NRIP3: variants seen among roughly 807,000 people sequenced by gnomAD.
The protein encoded by NRIP3 is nuclear receptor-interacting protein 3.
A neutral mutation model predicts 29.0 loss-of-function variants in NRIP3; 31 were observed. The ratio of observed to expected loss-of-function variants is 1.07; its 90% CI spans 0.80 to 1.44. The LOEUF is 1.44. Among genes scored for constraint, NRIP3 ranks in the 40% most tolerant of loss-of-function variants. The pLI is 0.00. For missense variants in NRIP3, 314 were observed against 297.9 expected (o/e 1.05, Z -0.40); for synonymous variants, 131 against 118.3 (o/e 1.11, Z -0.70).
intron 1 of NRIP3, among the ~76,000 whole-genome samples, chr11:8,994,050 T>C (rs563625854): frequency 1.3e-5 from 2 of 152,262 alleles, no homozygotes; most frequent in East Asian, 3.9e-4. Flanking sequence ...AATGGAGATT[T>C]ATTTTTCTCA....
intron 1 of NRIP3, among the ~76,000 whole-genome samples, chr11:9,002,574 T>C (rs1854825322): frequency 7.5e-6 from 1 of 134,022 alleles, no homozygotes; most frequent in African/African-American, 2.8e-5. Context: ...AATGTACCTG[T>C]GTATCATTAG....
In NRIP3 at chr11:8,992,671, G is replaced by A. The variant is rs374215509; in HGVS notation, c.175-4389C>T. 1.1e-4 allele frequency among the ~76,000 whole-genome samples: 16 copies of A among 152,292 alleles called. No homozygotes were observed. In the East Asian group the frequency reaches 2.9e-3, roughly 28 times the overall value. ...CACGTCTGTAATCCCAGCACTTTGGGAGGCTGAGGTGGGCGGATCACGAGA... is the reference window on the plus strand; with the variant it reads ...CACGTCTGTAATCCCAGCACTTTGGAAGGCTGAGGTGGGCGGATCACGAGA... On this transcript the variant is annotated intron_variant, in intron 1 of 6. Transcript: ENST00000309166.
At chr11:8,992,606 G>C (rs2134919247) in intron 1 of NRIP3, among the ~76,000 whole-genome samples, 1 of 152,250 alleles carries the variant, frequency 6.6e-6, no homozygotes, top group African/African-American at 2.4e-5. Flanking sequence ...AAAGACAATA[G>C]AATAATGCCT....
chr11:9,001,782 T>A (rs1854804339), intron 1 of NRIP3, among the ~76,000 whole-genome samples: 1 of 144,554 alleles, frequency 6.9e-6, no homozygotes, highest in Non-Finnish European at 1.5e-5. Context: ...CCTACCTCGG[T>A]CTGCCTTGGT....
intron 1 of NRIP3, among the ~76,000 whole-genome samples, chr11:8,991,583 G>GA (rs927822212): frequency 7.3e-5 from 11 of 151,716 alleles, no homozygotes; most frequent in Non-Finnish European, 1.0e-4. Flanking sequence ...CAATAAAGAA[G>GA]AAAAAAAAGA....
intron 1 of NRIP3, among the ~76,000 whole-genome samples, chr11:8,995,102 G>A (rs1411239559): frequency 2.6e-5 from 4 of 151,118 alleles, no homozygotes; most frequent in African/African-American, 7.3e-5. Flanking sequence ...CTTCATTTAC[G>A]TTACTGCTAA....
At chr11:9,004,050 G>T (rs1432504957), upstream of NRIP3, 2 of 1,100,522 alleles carry the variant, frequency 1.8e-6, no homozygotes, top group African/African-American at 1.7e-5. Flanking sequence ...GTGACGTCGC[G>T]GGGAGCAGCC....
intron 6 of NRIP3, 103 bp from the exon 7 acceptor site, chr11:8,983,663 A>T (rs1463490127): frequency 4.6e-6 from 5 of 1,089,828 alleles, no homozygotes; most frequent in Non-Finnish European, 6.9e-6. Context: ...TTTCCCTACC[A>T]CTCTGTGTGG....
intron 3 of NRIP3, among the ~76,000 whole-genome samples, chr11:8,987,233 T>C (rs1433522572): frequency 6.6e-6 from 1 of 152,178 alleles, no homozygotes; most frequent in Non-Finnish European, 1.5e-5. Flanking sequence ...ATTTGCTATC[T>C]AGTGGATCAG....
chr11:8,989,665 G>C (rs1268995580), intron 1 of NRIP3, among the ~76,000 whole-genome samples: 1 of 152,190 alleles, frequency 6.6e-6, no homozygotes, highest in African/African-American at 2.4e-5. Flanking sequence ...GAAAATGAGA[G>C]CTTCTTAGCT....
At chr11:8,991,128 C>A (rs1455303316) in intron 1 of NRIP3, among the ~76,000 whole-genome samples, 1 of 152,014 alleles carries the variant, frequency 6.6e-6, no homozygotes, top group Non-Finnish European at 1.5e-5. Context: ...AGTGAAACCC[C>A]GTCTCTACTA....
chr11:8,999,474 A>G (rs927614710), intron 1 of NRIP3, among the ~76,000 whole-genome samples: 4 of 152,192 alleles, frequency 2.6e-5, no homozygotes, highest in Non-Finnish European at 5.9e-5. Context: ...AGTCGTATGT[A>G]TCATATCACC....
At chr11:9,001,113 T>C (rs1854787034) in intron 1 of NRIP3, among the ~76,000 whole-genome samples, 1 of 152,164 alleles carries the variant, frequency 6.6e-6, no homozygotes, top group Admixed American at 6.5e-5. Context: ...ATCTCTGGTT[T>C]TAGTTCTTAA....
At chr11:8,989,694 A>G (rs1048682046) in intron 1 of NRIP3, among the ~76,000 whole-genome samples, 16 of 152,250 alleles carry the variant, frequency 1.1e-4, no homozygotes, top group African/African-American at 3.6e-4. Flanking sequence ...AGCTAGAGGA[A>G]GTGCTAACTC....
rs1205939550 is a variant in NRIP3, at chr11:9,003,008, C to G, written c.174+754G>C. ...CAGTACCATCTTTGACCCCAGGCCC[C>G]CTGTCCTGAGGTGCTTCTACTTAAT... On this transcript the variant is annotated intron_variant, in intron 1 of 6. Coordinates refer to ENST00000309166, the MANE Select transcript of NRIP3 (RefSeq NM_020645.3). Among the ~76,000 whole-genome samples the G allele has an allele frequency of 5.9e-5, 9 of 152,268 alleles. 1 individual carries two copies. The highest frequency in any genetic ancestry group is 6.8e-3 in the Middle Eastern group (2 of 294).
At chr11:8,992,196 A>G (rs1219301555) in intron 1 of NRIP3, among the ~76,000 whole-genome samples, 1 of 152,220 alleles carries the variant, frequency 6.6e-6, no homozygotes, top group Non-Finnish European at 1.5e-5. Flanking sequence ...GAAGGATGCA[A>G]TTAGGGTTGG....
intron 4 of NRIP3, among the ~76,000 whole-genome samples, chr11:8,984,555 G>A (rs557863349): frequency 2.0e-5 from 3 of 151,998 alleles, no homozygotes; most frequent in Non-Finnish European, 4.4e-5. Flanking sequence ...GAGCCACCGC[G>A]CCTGGCCGAG....
intron 1 of NRIP3, among the ~76,000 whole-genome samples, chr11:8,997,778 A>T (rs571049254): frequency 6.6e-6 from 1 of 152,356 alleles, no homozygotes; most frequent in Admixed American, 6.5e-5. Flanking sequence ...ATAGTGCAGG[A>T]TACCATAGAA....
chr11:8,997,773 G>T (rs77043598), intron 1 of NRIP3, among the ~76,000 whole-genome samples: 3,603 of 152,270 alleles, frequency 0.024, 142 homozygotes, highest in African/African-American at 0.083. Context: ...AGACTATAGT[G>T]CAGGATACCA....
Sources: allele counts gnomAD v4.1 joint callset (sites outside exome capture counted in the v4.1 genomes callset), GRCh38; gene constraint gnomAD v4.1.1; transcripts MANE v1.5; gene names NCBI Gene and HGNC (gene_info 2026-07-23, HGNC 2026-07-21).